Variants in BLNK observed in about 807,000 individuals in gnomAD.
BLNK encodes B cell linker, also known as B-cell linker protein.
In BLNK, 29 loss-of-function variants were observed where a neutral mutation model predicts 73.5. The observed-to-expected ratio is 0.39, with a 90% CI of 0.29 to 0.54. BLNK has a LOEUF of 0.54. BLNK is among the 20% of genes least tolerant of loss of function. The pLI, the probability that BLNK is intolerant of heterozygous loss-of-function variation, is 0.61. For missense variants in BLNK, 460 were observed against 562.8 expected (o/e 0.82, Z 1.85); for synonymous variants, 176 against 200.8 (o/e 0.88, Z 1.04).
intron 8 of BLNK, 61 bp from the exon 9 acceptor site, chr10:96,209,968 T>A: frequency 6.4e-7 from 1 of 1,569,412 alleles, no homozygotes; most frequent in Non-Finnish European, 8.8e-7. Flanking sequence ...ATGCTCACAC[T>A]GAGGCTGGCC....
chr10:96,214,368 C>G (rs1387120580), intron 8 of BLNK, among the ~76,000 whole-genome samples: 1 of 152,092 alleles, frequency 6.6e-6, no homozygotes, highest in Non-Finnish European at 1.5e-5. Flanking sequence ...GGTGACATGG[C>G]AAAGACTAGC....
chr10:96,221,618 C>G (rs1455982805), intron 6 of BLNK, among the ~76,000 whole-genome samples: 1 of 152,192 alleles, frequency 6.6e-6, no homozygotes, highest in Non-Finnish European at 1.5e-5. Flanking sequence ...CCCTGGGGTC[C>G]ATTCTCAGTT....
At position 96,190,956 on chromosome 10, in the gene BLNK, G is replaced by A. The variant is rs143554706; in HGVS notation, c.*1017C>T. On this transcript the variant is annotated 3_prime_UTR_variant, in exon 17 of 17. Coordinates refer to ENST00000224337, the MANE Select transcript of BLNK (RefSeq NM_013314.4). Reference sequence around the variant, plus strand: ...CTTTGAAACTTGATATGGTTTGGCTGTGTCCTCACCCAAATCTCATCTTGA... The same window carrying A: ...CTTTGAAACTTGATATGGTTTGGCTATGTCCTCACCCAAATCTCATCTTGA... 5.3e-3 allele frequency among the ~76,000 whole-genome samples: 805 copies of A among 152,298 alleles called. 4 individuals carry two copies. The highest frequency in any genetic ancestry group is 8.3e-3 in the Non-Finnish European group (568 of 68,028).
At chr10:96,194,752 C>G (rs587658584) in intron 16 of BLNK, among the ~76,000 whole-genome samples, 1 of 146,798 alleles carries the variant, frequency 6.8e-6, no homozygotes, top group African/African-American at 2.5e-5. Flanking sequence ...CATCACTAAT[C>G]ATCAGAGAAA....
Position 96,190,287 on chromosome 10 carries a change from C to T in BLNK, c.*1686G>A, listed in dbSNP as rs1554893094. On this transcript the variant is annotated 3_prime_UTR_variant, in exon 17 of 17. Transcript: ENST00000224337. ...GATAAACGACCACTGCTCAAGAGAA[C>T]AGCCATACAGGATGGAATCACGCCA... 2 of 674,402 alleles carry T rather than the reference C, an allele frequency of 3.0e-6. No homozygotes were observed. The highest frequency in any genetic ancestry group is 5.5e-6 in the Non-Finnish European group (2 of 365,688). The allele number at this position is 674,402 out of a possible 1,614,324, so 41.8% of individuals were successfully genotyped here.
rs1261968082 is a variant in BLNK, at chr10:96,229,699, C to T, written c.204+1095G>A. Among the ~76,000 whole-genome samples, 9 of 136,444 alleles carry T rather than the reference C, an allele frequency of 6.6e-5. No individual in the cohort carries two copies. The East Asian group carries it at 1.1e-3, about 17-fold the overall frequency. 89.5% of individuals were successfully genotyped at this position (136,444 alleles called of 152,430 possible). A position where few individuals can be genotyped will look rare whatever the true frequency, so the allele number is the denominator to read the frequency against. ...GTGTGTGTGTGTGTTCGTGTGTGCACGCGCGTGCGCAGCCAGCAGGGGGCG... is the reference window on the plus strand; with the variant it reads ...GTGTGTGTGTGTGTTCGTGTGTGCATGCGCGTGCGCAGCCAGCAGGGGGCG... On this transcript the variant is annotated intron_variant, in intron 4 of 16. Coordinates refer to ENST00000224337, the MANE Select transcript of BLNK (RefSeq NM_013314.4).
At chr10:96,207,142 G>T in intron 10 of BLNK, 89 bp from the exon 11 acceptor site, 1 of 1,301,060 alleles carries the variant, frequency 7.7e-7, no homozygotes, top group Non-Finnish European at 1.1e-6. Context: ...AAATATTTTG[G>T]CAGCACTTTT....
At chr10:96,204,141 T>C (rs2083733614) in intron 12 of BLNK, 53 bp from the exon 13 acceptor site, 2 of 1,596,408 alleles carry the variant, frequency 1.3e-6, no homozygotes, top group African/African-American at 1.3e-5. Context: ...ATGAGTAAGT[T>C]TGACTTTTTG....
At chr10:96,264,444 A>C (rs1319835390) in intron 1 of BLNK, among the ~76,000 whole-genome samples, 1 of 152,344 alleles carries the variant, frequency 6.6e-6, no homozygotes, top group East Asian at 1.9e-4. Context: ...TGAGCATCTG[A>C]CATTACAAGA....
chr10:96,253,056 A>T (rs1310153808), intron 1 of BLNK, among the ~76,000 whole-genome samples: 1 of 152,146 alleles, frequency 6.6e-6, no homozygotes, highest in Non-Finnish European at 1.5e-5. Context: ...CCTGTGCTGC[A>T]GGTTGAATAG....
intron 1 of BLNK, among the ~76,000 whole-genome samples, chr10:96,258,794 G>A (rs1286623214): frequency 6.6e-6 from 1 of 152,172 alleles, no homozygotes; most frequent in African/African-American, 2.4e-5. Flanking sequence ...TACTTTGTGT[G>A]CATTATCTCA....
intron 11 of BLNK, 41 bp downstream of exon 11, chr10:96,206,965 ATAACT>A: frequency 6.3e-7 from 1 of 1,575,758 alleles, no homozygotes; most frequent in Non-Finnish European, 8.7e-7. Context: ...CCTTAATAAA[ATAACT>A]TTTAGAGGAC....
intron 6 of BLNK, among the ~76,000 whole-genome samples, chr10:96,222,308 A>T (rs1322998573): frequency 6.6e-6 from 1 of 152,304 alleles, no homozygotes; most frequent in Admixed American, 6.5e-5. Context: ...CAAATTTTAT[A>T]AAGGCGGAAT....
intron 15 of BLNK, among the ~76,000 whole-genome samples, chr10:96,198,555 C>T (rs1222295042): frequency 1.3e-5 from 2 of 152,226 alleles, no homozygotes; most frequent in Non-Finnish European, 2.9e-5. Context: ...AAGAAAGTCA[C>T]ATTGGTATCA....
At position 96,271,471 on chromosome 10, in the gene BLNK, A is replaced by G. The variant is rs1554915782; in HGVS notation, c.-73T>C. 1 of 1,500,012 alleles carries G rather than the reference A, an allele frequency of 6.7e-7. No individual in the cohort carries two copies. Among genetic ancestry groups the G allele is most frequent in the Non-Finnish European group, 9.3e-7 (1 of 1,076,774 alleles). 92.9% of individuals were successfully genotyped at this position (1,500,012 alleles called of 1,614,324 possible). A position where few individuals can be genotyped will look rare whatever the true frequency, so the allele number is the denominator to read the frequency against. On this transcript the variant is annotated 5_prime_UTR_variant, in exon 1 of 17. Transcript: ENST00000224337. ...TCAGCAGTTCCTGGCCCTCCTAGGG[A>G]GCAGCATGGTAAGCCTCTGGTCTCA...
chr10:96,267,000 T>C (rs879987889), intron 1 of BLNK, among the ~76,000 whole-genome samples: 1 of 152,174 alleles, frequency 6.6e-6, no homozygotes, highest in Non-Finnish European at 1.5e-5. Flanking sequence ...AAAACTGAGG[T>C]GTAGAGAAAC....
chr10:96,231,650 C>T (rs1842502647), intron 3 of BLNK, among the ~76,000 whole-genome samples: 2 of 150,994 alleles, frequency 1.3e-5, no homozygotes, highest in East Asian at 3.9e-4. Context: ...TTGCTTGAGC[C>T]CAGGGGGTCG....
intron 1 of BLNK, among the ~76,000 whole-genome samples, chr10:96,270,261 G>A (rs1397372640): frequency 2.0e-5 from 3 of 152,344 alleles, no homozygotes; most frequent in Middle Eastern, 3.4e-3. Flanking sequence ...GTATTCTACT[G>A]TGAAGGGTTG....
chr10:96,199,526 T>A (rs1554895534), intron 15 of BLNK: 1 of 460,714 alleles, frequency 2.2e-6, no homozygotes, highest in East Asian at 6.7e-5. Flanking sequence ...CAGTGGAGGC[T>A]GTGGGTCCTT....
Sources: allele counts gnomAD v4.1 joint callset (sites outside exome capture counted in the v4.1 genomes callset), GRCh38; gene constraint gnomAD v4.1.1; transcripts MANE v1.5; gene names NCBI Gene and HGNC (gene_info 2026-07-23, HGNC 2026-07-21).